Variants in SLC2A13 observed in about 807,000 individuals in gnomAD.
SLC2A13 encodes solute carrier family 2 member 13.
In SLC2A13, 32 loss-of-function variants were observed where a neutral mutation model predicts 64.4. That is an observed-to-expected ratio of 0.50 (90% CI 0.37 to 0.67). The LOEUF (loss-of-function observed/expected upper bound fraction) is 0.67. SLC2A13 is among the 30% of genes least tolerant of loss of function. The pLI is 0.00. For synonymous variants in SLC2A13, 338 were observed against 327.1 expected (o/e 1.03, Z -0.36); for missense variants, 743 against 829.2 (o/e 0.90, Z 1.28).
intron 6 of SLC2A13, among the ~76,000 whole-genome samples, chr12:39,844,554 T>C (rs1943257689): frequency 6.6e-6 from 1 of 152,062 alleles, no homozygotes; most frequent in African/African-American, 2.4e-5. Flanking sequence ...AAAGCATTCA[T>C]AACATATAAA....
chr12:40,075,094 C>G (rs1472888627), intron 1 of SLC2A13, among the ~76,000 whole-genome samples: 2 of 152,194 alleles, frequency 1.3e-5, no homozygotes, highest in East Asian at 3.8e-4. Context: ...CTCTGGCATA[C>G]TTCAAAATGG....
intron 4 of SLC2A13, among the ~76,000 whole-genome samples, chr12:39,916,483 A>G (rs1430981976): frequency 2.0e-4 from 31 of 152,156 alleles, no homozygotes; most frequent in Non-Finnish European, 4.4e-5. Flanking sequence ...GTTTAATTAT[A>G]TAGACATGTA....
chr12:40,091,365 AT>A (rs934898637), intron 1 of SLC2A13, among the ~76,000 whole-genome samples: 1 of 152,174 alleles, frequency 6.6e-6, no homozygotes, highest in Admixed American at 6.5e-5. Flanking sequence ...ATTCTTTATA[AT>A]TTACTTATGT....
intron 7 of SLC2A13, among the ~76,000 whole-genome samples, chr12:39,819,371 A>T (rs545626072): frequency 6.6e-6 from 1 of 152,158 alleles, no homozygotes; most frequent in African/African-American, 2.4e-5. Context: ...AAAATATATT[A>T]AGGTGGCAAT....
At chr12:40,038,978 T>C (rs1336412421) in intron 2 of SLC2A13, among the ~76,000 whole-genome samples, 1 of 152,120 alleles carries the variant, frequency 6.6e-6, no homozygotes, top group Non-Finnish European at 1.5e-5. Flanking sequence ...ATTTGCCCAT[T>C]TTTTTATTGT....
chr12:39,803,217 A>AC (rs1352409627), intron 7 of SLC2A13, among the ~76,000 whole-genome samples: 3 of 151,850 alleles, frequency 2.0e-5, no homozygotes, highest in African/African-American at 7.3e-5. Context: ...AAAAAAAAAA[A>AC]AAAAACTTTC....
intron 6 of SLC2A13, among the ~76,000 whole-genome samples, chr12:39,838,690 T>C (rs1943096410): frequency 6.6e-6 from 1 of 152,052 alleles, no homozygotes; most frequent in Non-Finnish European, 1.5e-5. Flanking sequence ...TTTCATTCAA[T>C]CAATCGTTTA....
chr12:40,066,542 C>T (rs1053022940), intron 1 of SLC2A13, among the ~76,000 whole-genome samples: 11 of 152,136 alleles, frequency 7.2e-5, no homozygotes, highest in African/African-American at 2.4e-4. Flanking sequence ...ATCACTTATT[C>T]CGAAAATGTT....
At chr12:39,877,569 T>C (rs1393116231) in intron 4 of SLC2A13, among the ~76,000 whole-genome samples, 2 of 152,194 alleles carry the variant, frequency 1.3e-5, no homozygotes, top group East Asian at 3.9e-4. Flanking sequence ...GCAATAACTA[T>C]ATTCTCTTTC....
chr12:40,082,218 C>A (rs915507453), intron 1 of SLC2A13, among the ~76,000 whole-genome samples: 13 of 152,182 alleles, frequency 8.5e-5, no homozygotes, highest in African/African-American at 3.1e-4. Flanking sequence ...GTTCACTGAG[C>A]AATCCTGTGA....
chr12:40,053,351 T>A (rs1450388100), intron 1 of SLC2A13, among the ~76,000 whole-genome samples: 1 of 150,074 alleles, frequency 6.7e-6, no homozygotes, highest in East Asian at 2.0e-4. Flanking sequence ...TATCCCCCTA[T>A]GAAAGGTAAT....
chr12:39,884,600 G>C (rs1944426203), intron 4 of SLC2A13, among the ~76,000 whole-genome samples: 1 of 152,120 alleles, frequency 6.6e-6, no homozygotes, highest in African/African-American at 2.4e-5. Context: ...AAGATACAAA[G>C]GCAATATCTG....
chr12:40,035,667 C>A (rs1251803404), intron 2 of SLC2A13, among the ~76,000 whole-genome samples: 3 of 152,118 alleles, frequency 2.0e-5, no homozygotes, highest in East Asian at 3.9e-4. Flanking sequence ...TGTGTTACCT[C>A]GAGAAAGATT....
At chr12:40,020,607 T>C (rs750635522) in intron 3 of SLC2A13, among the ~76,000 whole-genome samples, 7 of 152,252 alleles carry the variant, frequency 4.6e-5, no homozygotes, top group African/African-American at 7.2e-5. Context: ...TTCTACAGAC[T>C]ATCCATGGAA....
intron 3 of SLC2A13, among the ~76,000 whole-genome samples, chr12:39,960,850 C>T (rs1412589507): frequency 1.4e-5 from 2 of 147,666 alleles, no homozygotes; most frequent in Non-Finnish European, 3.0e-5. Flanking sequence ...CAGGTGCAAC[C>T]GATTCTCCTT....
intron 9 of SLC2A13, among the ~76,000 whole-genome samples, chr12:39,763,582 T>C (rs1485240664): frequency 6.6e-6 from 1 of 152,026 alleles, no homozygotes; most frequent in Non-Finnish European, 1.5e-5. Context: ...AACCTGTTCT[T>C]GCAAAGAGAA....
intron 3 of SLC2A13, among the ~76,000 whole-genome samples, chr12:39,969,638 GAT>G (rs1040984736): frequency 6.6e-6 from 1 of 152,182 alleles, no homozygotes; most frequent in African/African-American, 2.4e-5. Context: ...CCCACTTGTT[GAT>G]GGGGTTGTTT....
At chr12:39,884,920 T>C (rs1256632391) in intron 4 of SLC2A13, among the ~76,000 whole-genome samples, 1 of 152,140 alleles carries the variant, frequency 6.6e-6, no homozygotes, top group African/African-American at 2.4e-5. Flanking sequence ...TGGGGAGAAC[T>C]GGAAAGAACC....
chr12:39,829,633 G>C (rs1451952753), intron 7 of SLC2A13: 1 of 161,400 alleles, frequency 6.2e-6, no homozygotes, highest in Non-Finnish European at 1.4e-5. Context: ...GGGTGGTCTC[G>C]AACTCCTGAC....
Sources: gnomAD v4.1 joint callset for allele counts (sites outside exome capture counted in the v4.1 genomes callset) on GRCh38, gnomAD v4.1.1 for gene constraint, MANE v1.5 for transcripts, NCBI Gene and HGNC (gene_info 2026-07-23, HGNC 2026-07-21) for gene names.